The following IQCB1 variants were observed in gnomAD, a reference collection of about 807,000 sequenced individuals.
The protein encoded by IQCB1 is IQ motif containing B1, also known as IQ calmodulin-binding motif-containing protein 1.
Under a neutral mutation model 84.4 loss-of-function variants are expected in IQCB1, and 56 were observed. The observed-to-expected ratio is 0.66, with a 90% CI of 0.54 to 0.83. The LOEUF (loss-of-function observed/expected upper bound fraction) is 0.83, where lower values mean the gene tolerates loss of function less well. Ranked by LOEUF, IQCB1 falls within the 40% of genes least tolerant of loss-of-function variation. IQCB1 has a pLI of 0.00. For missense variants in IQCB1, 629 were observed against 682.1 expected, an observed-to-expected ratio of 0.92 and a Z score of 0.87; for synonymous variants, 210 against 234.8, an observed-to-expected ratio of 0.89 and a Z score of 0.96.
At chr3:121,785,832 A>G (rs1268776884) in intron 12 of IQCB1, among the ~76,000 whole-genome samples, 1 of 152,070 alleles carries the variant, frequency 6.6e-6, no homozygotes, top group Non-Finnish European at 1.5e-5. Context: ...ATGCTTAACG[A>G]TTATTTTATT....
intron 5 of IQCB1, among the ~76,000 whole-genome samples, chr3:121,819,335 C>T (rs1329172296): frequency 6.6e-6 from 1 of 152,142 alleles, no homozygotes; most frequent in Non-Finnish European, 1.5e-5. Flanking sequence ...GATTTATGCT[C>T]TTATGAGAAT....
intron 2 of IQCB1, among the ~76,000 whole-genome samples, chr3:121,831,675 T>C (rs559141041): frequency 2.4e-4 from 37 of 152,328 alleles, no homozygotes; most frequent in African/African-American, 8.4e-4. Flanking sequence ...AATTGATTGC[T>C]TGCTTGTTGG....
In IQCB1 at chr3:121,770,197, A is replaced by G. The variant is rs190963373; in HGVS notation, c.*148T>C. 137 of 626,902 alleles carry G rather than the reference A, an allele frequency of 2.2e-4. No homozygotes were observed. In the Middle Eastern group the frequency reaches 4.2e-3, roughly 19 times the overall value. The allele number at this position is 626,902 out of a possible 1,614,324, so 38.8% of individuals were successfully genotyped here. A position where few individuals can be genotyped will look rare whatever the true frequency, so the allele number is the denominator to read the frequency against. On this transcript the variant is annotated 3_prime_UTR_variant, in exon 15 of 15. Coordinates refer to ENST00000310864, the MANE Select transcript of IQCB1 (RefSeq NM_001023570.4). Reference sequence around the variant, plus strand: ...AAGAAAATTGAGAGAGAGGTAGAATATAACTCTTTGCTTACTGCAGGTCTT... The same window carrying G: ...AAGAAAATTGAGAGAGAGGTAGAATGTAACTCTTTGCTTACTGCAGGTCTT...
intron 4 of IQCB1, among the ~76,000 whole-genome samples, 173 bp from the exon 5 acceptor site, chr3:121,826,353 A>G (rs893869376): frequency 6.6e-6 from 1 of 152,216 alleles, no homozygotes; most frequent in Non-Finnish European, 1.5e-5. Flanking sequence ...AAACAGTGGT[A>G]TGGACCATGC....
At chr3:121,821,804 A>T (rs1178249479) in intron 5 of IQCB1, among the ~76,000 whole-genome samples, 2 of 152,248 alleles carry the variant, frequency 1.3e-5, no homozygotes, top group Admixed American at 1.3e-4. Flanking sequence ...CTGAAATAAA[A>T]TGTACTGACT....
At position 121,828,894 on chromosome 3, in the gene IQCB1, G is replaced by C; in HGVS notation, c.67C>G (p.Gln23Glu). The change falls in exon 3 of 15, where the codon CAG becomes GAG. Residue 23 changes from glutamine (Q) to glutamate (E), a missense_variant. Coordinates refer to ENST00000310864, the MANE Select transcript of IQCB1 (RefSeq NM_001023570.4). Reference protein sequence around the residue: ...IAAEVAKSPEQNVPVILLKLK... With the variant: ...IAAEVAKSPEENVPVILLKLK... ...TTCAACAGTATAACAGGGACATTCT[G>C]CTCAGGGCTTTTTGCAACTTCAGCA... 1 of 1,609,202 alleles carries C rather than the reference G, an allele frequency of 6.2e-7. No homozygotes were observed. Among genetic ancestry groups the C allele is most frequent in the Non-Finnish European group, 8.5e-7 (1 of 1,176,664 alleles).
intron 9 of IQCB1, 40 bp from the exon 10 acceptor site, chr3:121,795,606 G>T (rs1432621772): frequency 8.8e-7 from 1 of 1,133,352 alleles, no homozygotes; most frequent in South Asian, 1.3e-5. Context: ...CTCTAGGAAG[G>T]TCTTTAAAAA....
chr3:121,787,745 G>A (rs1274063575), intron 12 of IQCB1, among the ~76,000 whole-genome samples: 4 of 114,024 alleles, frequency 3.5e-5, no homozygotes, highest in Non-Finnish European at 5.5e-5. Context: ...GCAAGAATCC[G>A]TCTCAAAAAA....
At chr3:121,819,304 C>T (rs9862200) in intron 5 of IQCB1, among the ~76,000 whole-genome samples, 3,457 of 152,282 alleles carry the variant, frequency 0.023, 133 homozygotes, top group African/African-American at 0.079. Flanking sequence ...CTAGATCCCT[C>T]ACCTGCACAG....
intron 5 of IQCB1, among the ~76,000 whole-genome samples, chr3:121,812,157 AACTCCAGCAG>A (rs1251410412): frequency 1.3e-5 from 2 of 152,198 alleles, no homozygotes; most frequent in Admixed American, 6.5e-5. Flanking sequence ...ACCTCCAGCA[AACTCCAGCAG>A]ACCTGCAGAA....
At chr3:121,783,261 G>T (rs1187385827) in intron 12 of IQCB1, among the ~76,000 whole-genome samples, 1 of 151,766 alleles carries the variant, frequency 6.6e-6, no homozygotes, top group African/African-American at 2.4e-5. Context: ...TTTAATTCAG[G>T]TTATTCTTTT....
intron 12 of IQCB1, among the ~76,000 whole-genome samples, chr3:121,786,875 AC>A (rs1318605049): frequency 6.6e-6 from 1 of 152,192 alleles, no homozygotes; most frequent in Admixed American, 6.5e-5. Context: ...TAGTAAGTCA[AC>A]CTAATAAGGA....
At chr3:121,784,367 A>G (rs970843915) in intron 12 of IQCB1, among the ~76,000 whole-genome samples, 1 of 151,564 alleles carries the variant, frequency 6.6e-6, no homozygotes, top group African/African-American at 2.4e-5. Flanking sequence ...TTTCTGTGAG[A>G]TTTCTTTAAC....
rs1325085560 is a variant in IQCB1 at position 121,770,480 on chromosome 3, G to A, written c.1662C>T (p.Leu554=). ...PVAAKAKQAH[L]TTLKHIQAPW... ...GTGCTTGTATGTGCTTCAGGGTTGT[G>A]AGATGGGCCTGCTTGGCCTTGGCTG... Residue 554 remains leucine, a synonymous_variant, in exon 15 of 15, where the codon CTC becomes CTT. Transcript: ENST00000310864. 6.2e-7 allele frequency: 1 copy of A among 1,614,222 alleles called. No individual in the cohort carries two copies. The highest frequency in any genetic ancestry group is 8.5e-7 in the Non-Finnish European group (1 of 1,180,042).
intron 5 of IQCB1, among the ~76,000 whole-genome samples, chr3:121,819,689 G>A (rs987343943): frequency 6.6e-6 from 1 of 152,026 alleles, no homozygotes; most frequent in African/African-American, 2.4e-5. Context: ...GAGCATACCT[G>A]AAACAAATAT....
rs1246747991 is a variant in IQCB1 at position 121,828,871 on chromosome 3, C to G, written c.90G>C (p.Leu30Phe). 2 of 1,586,480 alleles carry G rather than the reference C, an allele frequency of 1.3e-6. No individual in the cohort carries two copies. The highest frequency in any genetic ancestry group is 2.7e-5 in the African/African-American group (2 of 74,332). Reference sequence around the variant, plus strand: ...AAAAGATTTTCTTACCTTTTAACTTCAACAGTATAACAGGGACATTCTGCT... The same window carrying G: ...AAAAGATTTTCTTACCTTTTAACTTGAACAGTATAACAGGGACATTCTGCT... ...SPEQNVPVIL[L>F]KLKEIINITP... The change falls in exon 3 of 15, where the codon TTG (leucine) becomes TTC (phenylalanine). Residue 30 changes from leucine (L) to phenylalanine (F), a missense_variant. By Grantham distance (22) the Leu-to-Phe change is conservative. Transcript: ENST00000310864.
chr3:121,771,361 C>T (rs1947982664), intron 14 of IQCB1, among the ~76,000 whole-genome samples: 1 of 151,920 alleles, frequency 6.6e-6, no homozygotes, highest in Non-Finnish European at 1.5e-5. Context: ...CAAAGTCTCA[C>T]TCTGTCACCT....
chr3:121,791,828 C>T (rs1392389214), intron 10 of IQCB1, among the ~76,000 whole-genome samples: 2 of 152,180 alleles, frequency 1.3e-5, no homozygotes, highest in Non-Finnish European at 2.9e-5. Flanking sequence ...CGGTGGTTCA[C>T]GCCTGTAATC....
At chr3:121,809,231 A>G (rs1441022155) in intron 5 of IQCB1, among the ~76,000 whole-genome samples, 1 of 151,944 alleles carries the variant, frequency 6.6e-6, no homozygotes, top group Non-Finnish European at 1.5e-5. Flanking sequence ...AGATAAAATA[A>G]AACAACATAA....
Sources: allele counts gnomAD v4.1 joint callset (sites outside exome capture counted in the v4.1 genomes callset), GRCh38; gene constraint gnomAD v4.1.1; transcripts MANE v1.5; gene names NCBI Gene and HGNC (gene_info 2026-07-23, HGNC 2026-07-21).